The following MAPRE2 variants were observed in gnomAD, a reference collection of about 807,000 sequenced individuals.
MAPRE2 encodes microtubule-associated protein RP/EB family member 2.
MAPRE2 carries 13 observed loss-of-function variants against 43.2 expected under a neutral mutation model. The ratio of observed to expected loss-of-function variants is 0.30; its 90% CI spans 0.20 to 0.48. The LOEUF is 0.48. Ranked by LOEUF, MAPRE2 falls within the 20% of genes least tolerant of loss-of-function variation. The probability of loss-of-function intolerance (pLI) is 0.99; values close to 1 mark genes in which losing one functional copy is unlikely to be tolerated. For missense variants in MAPRE2, 161 were observed against 400.2 expected (o/e 0.40, Z 5.10); for synonymous variants, 135 against 148.8 (o/e 0.91, Z 0.68).
intron 1 of MAPRE2, among the ~76,000 whole-genome samples, chr18:34,983,363 T>C (rs2097017379): frequency 6.6e-6 from 1 of 152,234 alleles, no homozygotes; most frequent in Non-Finnish European, 1.5e-5. Flanking sequence ...AGTGCAATAC[T>C]AACTAGTAAC....
intron 4 of MAPRE2, among the ~76,000 whole-genome samples, chr18:35,107,641 C>T (rs1908967973): frequency 6.6e-6 from 1 of 152,014 alleles, no homozygotes; most frequent in African/African-American, 2.4e-5. Context: ...CTTTTTTGGT[C>T]AGCGGACCAC....
chr18:34,995,178 AG>A lies in MAPRE2; in HGVS notation c.-69-10313del, dbSNP rs149848996. Among the ~76,000 whole-genome samples, 1,386 of 152,346 alleles carry A rather than the reference AG, an allele frequency of 9.1e-3. 13 individuals carry two copies. The highest frequency in any genetic ancestry group is 0.02 in the Middle Eastern group (6 of 294). On this transcript the variant is annotated intron_variant, in intron 1 of 7. Coordinates refer to the MAPRE2 transcript ENST00000413393. ...CACCAAGAGAGGAATGTTATTATAA[AG>A]TATGGGCAATCTCAAATTCATTTTG...
At chr18:35,076,304 C>A (rs531201897) in intron 2 of MAPRE2, among the ~76,000 whole-genome samples, 63 of 150,664 alleles carry the variant, frequency 4.2e-4, no homozygotes, top group African/African-American at 1.3e-3. Context: ...CTACAAAAGA[C>A]CAGAGACCAC....
chr18:35,063,856 G>C (rs540284603), intron 1 of MAPRE2, among the ~76,000 whole-genome samples: 165 of 151,900 alleles, frequency 1.1e-3, no homozygotes, highest in African/African-American at 3.7e-3. Flanking sequence ...AAGTAAGCTG[G>C]GAGTGGTGGC....
At chr18:35,006,451 T>C (rs1002028296) in intron 2 of MAPRE2, among the ~76,000 whole-genome samples, 1 of 152,216 alleles carries the variant, frequency 6.6e-6, no homozygotes, top group Non-Finnish European at 1.5e-5. Context: ...ACAGTAATGG[T>C]GACTATTAAA....
intron 2 of MAPRE2, among the ~76,000 whole-genome samples, chr18:35,032,500 T>G (rs981788773): frequency 3.3e-5 from 5 of 152,170 alleles, no homozygotes; most frequent in Admixed American, 6.5e-5. Context: ...CCATATGTGT[T>G]GGAGAAGTGG....
intron 2 of MAPRE2, among the ~76,000 whole-genome samples, chr18:35,089,736 T>C (rs557352744): frequency 6.6e-6 from 1 of 152,306 alleles, no homozygotes; most frequent in East Asian, 1.9e-4. Flanking sequence ...TGTGATAGTT[T>C]TTCAAATTGT....
chr18:35,050,038 T>G lies in MAPRE2; in HGVS notation c.122+8377T>G, dbSNP rs933456162. Among the ~76,000 whole-genome samples, 7 of 152,294 alleles carry G rather than the reference T, an allele frequency of 4.6e-5. No homozygotes were observed. In the South Asian group the frequency reaches 1.0e-3, roughly 23 times the overall value. ...AAAAATATTTCAGTATGCTATTACATAAAAAGTGAAAATGAGATCATATAT... is the reference window on the plus strand; with the variant it reads ...AAAAATATTTCAGTATGCTATTACAGAAAAAGTGAAAATGAGATCATATAT... On this transcript the variant is annotated intron_variant, in intron 1 of 6. Coordinates refer to ENST00000300249, the MANE Select transcript of MAPRE2 (RefSeq NM_014268.4).
At chr18:34,993,875 C>T (rs2097025045) in intron 1 of MAPRE2, among the ~76,000 whole-genome samples, 1 of 151,904 alleles carries the variant, frequency 6.6e-6, no homozygotes, top group Admixed American at 6.6e-5. Flanking sequence ...ATATGCCCTT[C>T]ATTATTTATG....
intron 2 of MAPRE2, among the ~76,000 whole-genome samples, chr18:35,011,898 G>C (rs1338813580): frequency 6.6e-6 from 1 of 151,620 alleles, no homozygotes; most frequent in African/African-American, 2.4e-5. Context: ...AAGAAAGGGG[G>C]ACAGGAATAC....
chr18:35,034,293 G>A (rs1007805636), intron 2 of MAPRE2, among the ~76,000 whole-genome samples: 8 of 152,194 alleles, frequency 5.3e-5, no homozygotes, highest in Non-Finnish European at 1.0e-4. Context: ...ATGGTGCTGG[G>A]AAAACTGGCT....
At chr18:34,981,902 T>TG (rs1603385577) in intron 1 of MAPRE2, among the ~76,000 whole-genome samples, 2 of 145,590 alleles carry the variant, frequency 1.4e-5, no homozygotes, top group East Asian at 4.0e-4. Flanking sequence ...TTTTTTTTTT[T>TG]GAGACGGAGT....
chr18:35,073,083 G>A (rs580909), intron 2 of MAPRE2, among the ~76,000 whole-genome samples: 44,620 of 151,554 alleles, frequency 0.29, 8,219 homozygotes, highest in East Asian at 0.52. Context: ...CTTCTAAATC[G>A]GTACCTCTGA....
At chr18:35,082,676 A>G (rs1275145706) in intron 2 of MAPRE2, among the ~76,000 whole-genome samples, 1 of 152,088 alleles carries the variant, frequency 6.6e-6, no homozygotes, top group East Asian at 1.9e-4. Flanking sequence ...CCTTACGCTC[A>G]TTGAGTACTT....
chr18:34,992,999 A>G (rs1366101488), intron 1 of MAPRE2, among the ~76,000 whole-genome samples: 3 of 152,196 alleles, frequency 2.0e-5, no homozygotes, highest in African/African-American at 7.2e-5. Context: ...CCACTGATGG[A>G]GCCCAGGAGT....
rs138891362 is a variant in MAPRE2 at position 34,981,877 on chromosome 18, AT to A, written c.-70+4803del. Among the ~76,000 whole-genome samples, 30 of 35,898 alleles carry A rather than the reference AT, an allele frequency of 8.4e-4. 1 individual carries two copies. The highest frequency in any genetic ancestry group is 3.7e-3 in the East Asian group (3 of 806). 23.6% of individuals were successfully genotyped at this position (35,898 alleles called of 152,430 possible). On this transcript the variant is annotated intron_variant, in intron 1 of 7. Transcript: ENST00000413393. ...GCGACTTTATTTATTTTTTTTTTTTATTTTTATTTATTTTTTTTTTTTTTTG... is the reference window on the plus strand; with the variant it reads ...GCGACTTTATTTATTTTTTTTTTTTATTTTATTTATTTTTTTTTTTTTTTG...
At chr18:35,111,235 T>G (rs1260334510) in intron 4 of MAPRE2, among the ~76,000 whole-genome samples, 1 of 152,192 alleles carries the variant, frequency 6.6e-6, no homozygotes, top group Non-Finnish European at 1.5e-5. Context: ...GTTGTAGAAG[T>G]CTTCATTTTT....
intron 1 of MAPRE2, among the ~76,000 whole-genome samples, chr18:34,998,629 ATTT>A (rs771087999): frequency 2.9e-4 from 44 of 151,282 alleles, no homozygotes; most frequent in Non-Finnish European, 1.2e-4. Context: ...GCCTGGCCTA[ATTT>A]TTTTATTTTT....
chr18:34,999,789 G>A (rs1339813636), intron 1 of MAPRE2, among the ~76,000 whole-genome samples: 1 of 152,048 alleles, frequency 6.6e-6, no homozygotes, highest in Non-Finnish European at 1.5e-5. Flanking sequence ...TGCCAGATAC[G>A]CTCATTTGGT....
Sources: allele counts gnomAD v4.1 joint callset (sites outside exome capture counted in the v4.1 genomes callset), GRCh38; gene constraint gnomAD v4.1.1; transcripts MANE v1.5; gene names NCBI Gene and HGNC (gene_info 2026-07-23, HGNC 2026-07-21).